The following TCF12 variants were observed in gnomAD, a reference collection of about 807,000 sequenced individuals.
TCF12 encodes the protein DNA-binding protein HTF4.
In TCF12, 45 loss-of-function variants were observed where a neutral mutation model predicts 86.0. That is an observed-to-expected ratio of 0.52 (90% CI 0.41 to 0.67). The LOEUF (loss-of-function observed/expected upper bound fraction) is 0.67. Among genes scored for constraint, TCF12 ranks in the 30% least tolerant of loss-of-function variants. TCF12 has a pLI of 0.00. For synonymous variants in TCF12, 330 were observed against 299.6 expected (o/e 1.10, Z -1.05); for missense variants, 881 against 859.9 (o/e 1.02, Z -0.31).
chr15:57,107,444 T>C (rs1489213828), intron 5 of TCF12, among the ~76,000 whole-genome samples: 1 of 152,050 alleles, frequency 6.6e-6, no homozygotes, highest in African/African-American at 2.4e-5. Flanking sequence ...GAGAGATGAA[T>C]AGGAATTTTA....
At chr15:57,085,406 A>C (rs1000646375) in intron 4 of TCF12, among the ~76,000 whole-genome samples, 2 of 152,186 alleles carry the variant, frequency 1.3e-5, no homozygotes, top group Non-Finnish European at 2.9e-5. Context: ...TAACTGGGGT[A>C]GTGTTTATTT....
Position 57,243,453 on chromosome 15 carries a change from T to G in TCF12, c.1036-19T>G, listed in dbSNP as rs377020012. 8.1e-6 allele frequency: 13 copies of G among 1,605,466 alleles called. No individual in the cohort carries two copies. In the African/African-American group the frequency reaches 1.7e-4, roughly 21 times the overall value. On this transcript the variant is annotated intron_variant, in intron 12 of 20. Transcript: ENST00000333725. Reference sequence around the variant, plus strand: ...GTTGTCACATGTTGATACATGTATATTTCTTGTTTTCTGGTTAGATTTATT... The same window carrying G: ...GTTGTCACATGTTGATACATGTATAGTTCTTGTTTTCTGGTTAGATTTATT...
intron 3 of TCF12, among the ~76,000 whole-genome samples, chr15:56,952,102 A>G (rs1258848414): frequency 2.0e-5 from 3 of 152,170 alleles, no homozygotes; most frequent in Admixed American, 2.0e-4. Flanking sequence ...AATAGATTCC[A>G]TAAATTACTC....
At chr15:57,221,973 CTT>C (rs151151986) in intron 8 of TCF12, among the ~76,000 whole-genome samples, 1 of 152,040 alleles carries the variant, frequency 6.6e-6, no homozygotes, top group East Asian at 1.9e-4. Context: ...TTTCTAGACT[CTT>C]AAGTGAAATA....
chr15:57,026,022 C>T (rs902407652), intron 3 of TCF12, among the ~76,000 whole-genome samples: 2 of 152,168 alleles, frequency 1.3e-5, no homozygotes, highest in Admixed American at 6.5e-5. Context: ...TAATACTCTC[C>T]AGAGTTTTAA....
intron 6 of TCF12, among the ~76,000 whole-genome samples, chr15:57,169,005 C>T (rs1252118502): frequency 6.6e-6 from 1 of 152,076 alleles, no homozygotes; most frequent in Non-Finnish European, 1.5e-5. Flanking sequence ...GAGATTGCAC[C>T]ATTGCACTCC....
chr15:57,005,945 G>A (rs759316092), intron 3 of TCF12, among the ~76,000 whole-genome samples: 3 of 152,094 alleles, frequency 2.0e-5, no homozygotes, highest in Non-Finnish European at 4.4e-5. Flanking sequence ...CCCTTCAGTG[G>A]ATTCTTATTA....
At chr15:57,048,250 GTTTGTTTTGT>G (rs140195356) in intron 3 of TCF12, among the ~76,000 whole-genome samples, 282 of 151,632 alleles carry the variant, frequency 1.9e-3, no homozygotes, top group African/African-American at 5.2e-3. Flanking sequence ...TTGTTTGTTT[GTTTGTTTTGT>G]TTTGTTTTGT....
At chr15:56,936,686 C>G (rs1220656868) in intron 3 of TCF12, among the ~76,000 whole-genome samples, 2 of 152,140 alleles carry the variant, frequency 1.3e-5, no homozygotes, top group Non-Finnish European at 2.9e-5. Flanking sequence ...CAATTTCGTT[C>G]TCTTACATGT....
rs1280279608 is a variant in TCF12 at position 57,028,499 on chromosome 15, C to A, written c.149-35251C>A. 2.0e-5 allele frequency among the ~76,000 whole-genome samples: 3 copies of A among 152,040 alleles called. No homozygotes were observed. In the East Asian group the frequency reaches 5.8e-4, roughly 29 times the overall value. ...GACATTTTTTCATGTGCTTATTGTT[C>A]ATGTATGTATCTTCTTTTGCCCGTT... On this transcript the variant is annotated intron_variant, in intron 3 of 20. Coordinates refer to ENST00000333725, the MANE Select transcript of TCF12 (RefSeq NM_207037.2).
At chr15:57,075,520 CAG>C (rs761464665) in intron 4 of TCF12, among the ~76,000 whole-genome samples, 21 of 152,098 alleles carry the variant, frequency 1.4e-4, no homozygotes, top group African/African-American at 3.4e-4. Flanking sequence ...ATGGGAAAAA[CAG>C]AGATTATTGT....
intron 6 of TCF12, among the ~76,000 whole-genome samples, chr15:57,188,962 A>C (rs573088413): frequency 1.3e-5 from 2 of 152,236 alleles, no homozygotes; most frequent in African/African-American, 4.8e-5. Flanking sequence ...TAATGGTTTT[A>C]ATTTTTTGTA....
At chr15:57,053,890 C>G (rs1044261781) in intron 3 of TCF12, among the ~76,000 whole-genome samples, 2 of 152,072 alleles carry the variant, frequency 1.3e-5, no homozygotes, top group African/African-American at 4.8e-5. Flanking sequence ...TTAGTTTTAT[C>G]CTGTAAACAA....
chr15:56,949,657 C>G (rs1014362736), intron 3 of TCF12, among the ~76,000 whole-genome samples: 3 of 152,278 alleles, frequency 2.0e-5, no homozygotes. Flanking sequence ...ATATACTTAA[C>G]ATATAATTTG....
intron 5 of TCF12, among the ~76,000 whole-genome samples, chr15:57,144,476 A>C (rs1178654045): frequency 1.3e-5 from 2 of 152,234 alleles, no homozygotes; most frequent in Non-Finnish European, 2.9e-5. Context: ...ATTTAATTAC[A>C]TAAATTACTT....
At chr15:57,244,562 G>A (rs1428790418) in intron 13 of TCF12, among the ~76,000 whole-genome samples, 1 of 152,010 alleles carries the variant, frequency 6.6e-6, no homozygotes, top group African/African-American at 2.4e-5. Context: ...TGGGCTCAAG[G>A]GATTCTCCTG....
intron 3 of TCF12, among the ~76,000 whole-genome samples, chr15:56,929,112 G>T (rs2060138095): frequency 1.3e-5 from 2 of 152,244 alleles, no homozygotes; most frequent in East Asian, 3.9e-4. Flanking sequence ...AAGTTCTAAA[G>T]TTGCATCATT....
chr15:57,053,902 T>C (rs146145198), intron 3 of TCF12, among the ~76,000 whole-genome samples: 149 of 152,290 alleles, frequency 9.8e-4, no homozygotes, highest in South Asian at 2.5e-3. Context: ...TGTAAACAAA[T>C]GTTTGCTGAG....
chr15:57,197,152 C>CTTTTTTTTTTTTTTTTTTTTTTT (rs138145337), intron 7 of TCF12, among the ~76,000 whole-genome samples: 14 of 87,256 alleles, frequency 1.6e-4, no homozygotes, highest in African/African-American at 3.5e-4. Flanking sequence ...AGAACAGCTT[C>CTTTTTTTTTTTTTTTTTTTTTTT]TTTTTTTTTT....
Sources: allele counts gnomAD v4.1 joint callset (sites outside exome capture counted in the v4.1 genomes callset), GRCh38; gene constraint gnomAD v4.1.1; transcripts MANE v1.5; gene names NCBI Gene and HGNC (gene_info 2026-07-23, HGNC 2026-07-21).